The following CASP2 variants were observed in gnomAD, a reference collection of about 807,000 sequenced individuals.
CASP2 encodes the protein caspase 2.
A neutral mutation model predicts 54.4 loss-of-function variants in CASP2; 38 were observed. The ratio of observed to expected loss-of-function variants is 0.70; its 90% CI spans 0.54 to 0.92. The LOEUF (loss-of-function observed/expected upper bound fraction) is 0.92. Ranked by LOEUF, CASP2 falls within the 40% of genes least tolerant of loss-of-function variation. The probability of loss-of-function intolerance (pLI) is 0.00; values close to 1 mark genes in which losing one functional copy is unlikely to be tolerated. For synonymous variants in CASP2, 215 were observed against 216.3 expected (o/e 0.99, Z 0.05); for missense variants, 512 against 579.6 (o/e 0.88, Z 1.20).
chr7:143,304,375 ATGT>A (rs1295338241), intron 9 of CASP2, among the ~76,000 whole-genome samples: 3 of 152,204 alleles, frequency 2.0e-5, no homozygotes, highest in Admixed American at 2.0e-4. Flanking sequence ...TTTAGACATA[ATGT>A]TGTTGCACAC....
chr7:143,291,698 G>A lies in CASP2; in HGVS notation c.225+8G>A. 1 of 1,611,098 alleles carries A rather than the reference G, an allele frequency of 6.2e-7. No homozygotes were observed. Among genetic ancestry groups the A allele is most frequent in the Non-Finnish European group, 8.5e-7 (1 of 1,177,962 alleles). Reference sequence around the variant, plus strand: ...ATGAGGGAGCTCATCCAGGTATCTGGAGGCAAAAGAGAGAAGATAAATTGA... The same window carrying A: ...ATGAGGGAGCTCATCCAGGTATCTGAAGGCAAAAGAGAGAAGATAAATTGA... On this transcript the variant is annotated splice_region_variant and intron_variant, in intron 2 of 10. Coordinates refer to ENST00000310447, the MANE Select transcript of CASP2 (RefSeq NM_032982.4).
At chr7:143,291,735 G>A (rs1801567586) in intron 2 of CASP2, 45 bp downstream of exon 2, 4 of 1,502,950 alleles carry the variant, frequency 2.7e-6, no homozygotes, top group Non-Finnish European at 3.7e-6. Context: ...CATGGGGTGG[G>A]AATAGAGCAT....
Position 143,291,546 on chromosome 7 carries a change from G to C in CASP2, c.81G>C (p.Leu27Phe). The change falls in exon 2 of 11, where the codon TTG becomes TTC. Residue 27 changes from leucine (L) to phenylalanine (F), a missense_variant. This residue lies in a region of CASP2 where 89 missense variants were observed against 67.1 expected (regional missense o/e 1.33). Transcript: ENST00000310447. ...LMAADRGRRI[L>F]GVCGMHPHHQ... ...TTCTACCGTTTATCTGTAGGATATTGGGAGTGTGTGGCATGCATCCTCATC... is the reference window on the plus strand; with the variant it reads ...TTCTACCGTTTATCTGTAGGATATTCGGAGTGTGTGGCATGCATCCTCATC... 1 of 1,614,040 alleles carries C rather than the reference G, an allele frequency of 6.2e-7. No homozygotes were observed.
At chr7:143,301,890 G>A (rs1260143934) in intron 8 of CASP2, 3 of 152,186 alleles carry the variant, frequency 2.0e-5, no homozygotes, top group Non-Finnish European at 4.4e-5. Flanking sequence ...GGAACAGTTG[G>A]GAGCTTAAGT....
intron 6 of CASP2, among the ~76,000 whole-genome samples, chr7:143,297,691 C>G (rs1801796167): frequency 6.6e-6 from 1 of 152,234 alleles, no homozygotes; most frequent in Admixed American, 6.5e-5. Context: ...AGGTGATCCA[C>G]CCGCCTCGGC....
chr7:143,305,286 T>C lies in CASP2; in HGVS notation c.*215T>C. ...AAGCCCTTTGCCTGTAGAGCCAGCC[T>C]TGGTTGGACCTATTGCCAGGAATGT... On this transcript the variant is annotated 3_prime_UTR_variant, in exon 11 of 11. Coordinates refer to ENST00000310447, the MANE Select transcript of CASP2 (RefSeq NM_032982.4). The C allele has an allele frequency of 7.8e-6, 5 of 640,192 alleles. No individual in the cohort carries two copies. In the South Asian group the frequency reaches 8.9e-5, roughly 11 times the overall value. 39.7% of individuals were successfully genotyped at this position (640,192 alleles called of 1,614,324 possible). A position where few individuals can be genotyped will look rare whatever the true frequency, so the allele number is the denominator to read the frequency against.
chr7:143,294,593 A>C lies in CASP2; in HGVS notation c.571-4A>C. 1.9e-6 allele frequency: 3 copies of C among 1,613,938 alleles called. No individual in the cohort carries two copies. The highest frequency in any genetic ancestry group is 2.5e-6 in the Non-Finnish European group (3 of 1,179,892). On this transcript the variant is annotated splice_region_variant and splice_polypyrimidine_tract_variant and intron_variant, in intron 5 of 10. Coordinates refer to ENST00000310447, the MANE Select transcript of CASP2 (RefSeq NM_032982.4). ...TCATGGTCTAACTGGCCTCTCCTCCACAGGCATATAGGTTGCAGTCTCGGC... is the reference window on the plus strand; with the variant it reads ...TCATGGTCTAACTGGCCTCTCCTCCCCAGGCATATAGGTTGCAGTCTCGGC...
intron 6 of CASP2, among the ~76,000 whole-genome samples, chr7:143,299,310 G>C (rs1216724469): frequency 2.6e-5 from 4 of 152,140 alleles, no homozygotes; most frequent in Admixed American, 6.5e-5. Context: ...TTCAAACCTA[G>C]ATTAATCTGA....
At chr7:143,297,756 T>G (rs769588826) in intron 6 of CASP2, among the ~76,000 whole-genome samples, 3 of 152,256 alleles carry the variant, frequency 2.0e-5, no homozygotes, top group Non-Finnish European at 4.4e-5. Context: ...CTTTGTTTTC[T>G]TCTTTGAGCA....
At position 143,303,787 on chromosome 7, in the gene CASP2, A is replaced by G. The variant is rs1563066322; in HGVS notation, c.971A>G (p.Glu324Gly). 6.2e-7 allele frequency: 1 copy of G among 1,613,760 alleles called. No homozygotes were observed. Among genetic ancestry groups the G allele is most frequent in the Non-Finnish European group, 8.5e-7 (1 of 1,179,846 alleles). The change falls in exon 9 of 11, where the codon GAG (glutamate) becomes GGG (glycine). Residue 324 changes from glutamate (E) to glycine (G), a missense_variant. Glu to Gly is a moderately conservative substitution (Grantham distance 98, BLOSUM62 -2). Transcript: ENST00000310447. ...MFFIQACRGDETDRGVDQQDG... is the reference protein window; with the variant it reads ...MFFIQACRGDGTDRGVDQQDG... ...ATTCTGTCTGCCTTTGTTACAGATGAGACTGATCGTGGGGTTGACCAACAA... is the reference window on the plus strand; with the variant it reads ...ATTCTGTCTGCCTTTGTTACAGATGGGACTGATCGTGGGGTTGACCAACAA...
rs4647293 is a variant in CASP2 at position 143,292,676 on chromosome 7, C to T, written c.453C>T (p.Tyr151=). 2,850 of 1,612,840 alleles carry T rather than the reference C, an allele frequency of 1.8e-3. 39 individuals carry two copies. The African/African-American group carries it at 0.034, about 19-fold the overall frequency. ...PFPVCESCPL[Y]KKLRLSTDTV... ...CGGTGTGTGAGTCCTGTCCCCTTTA[C>T]AAGAAGCTCCGCCTGTCGACAGGTG... The change falls in exon 4 of 11, where the codon TAC becomes TAT. Residue 151 remains tyrosine, a synonymous_variant. Coordinates refer to ENST00000310447, the MANE Select transcript of CASP2 (RefSeq NM_032982.4).
At chr7:143,303,204 A>G (rs1045009654) in intron 8 of CASP2, 1 of 152,222 alleles carries the variant, frequency 6.6e-6, no homozygotes, top group African/African-American at 2.4e-5. Context: ...TATGAAATTA[A>G]TAAACATAGT....
intron 6 of CASP2, among the ~76,000 whole-genome samples, chr7:143,296,555 C>G (rs988343685): frequency 1.3e-5 from 2 of 152,120 alleles, no homozygotes; most frequent in Admixed American, 1.3e-4. Context: ...TGAAGCCACC[C>G]TAGGCAGGGA....
chr7:143,299,933 A>C lies in CASP2; in HGVS notation c.758A>C (p.Glu253Ala). 6.2e-7 allele frequency: 1 copy of C among 1,614,196 alleles called. No homozygotes were observed. The highest frequency in any genetic ancestry group is 8.5e-7 in the Non-Finnish European group (1 of 1,180,022). ...ATTCCTTTCTTTTAGGAAATGCAAG[A>C]GAAACTGCAGAATTTTGCACAGTTA... ...LCDQTAQEMQ[E>A]KLQNFAQLPA... The change falls in exon 7 of 11, where the codon GAG becomes GCG. Residue 253 changes from glutamate to alanine, a missense_variant. Glu to Ala is a moderately radical substitution (Grantham distance 107). Coordinates refer to ENST00000310447, the MANE Select transcript of CASP2 (RefSeq NM_032982.4).
At position 143,292,423 on chromosome 7, in the gene CASP2, A is replaced by ATGT; in HGVS notation, c.352_354dup (p.Leu119dup). On this transcript the variant is annotated inframe_insertion, in exon 3 of 11. Coordinates refer to ENST00000310447, the MANE Select transcript of CASP2 (RefSeq NM_032982.4). ...GACCAAGCAAGGCCACCTGGAGGATATGTTGCTCACCACCCTTTCTGGGCT... is the reference window on the plus strand; with the variant it reads ...GACCAAGCAAGGCCACCTGGAGGATATGTTGTTGCTCACCACCCTTTCTGGGCT... 6.2e-7 allele frequency: 1 copy of ATGT among 1,614,144 alleles called. No homozygotes were observed. Among genetic ancestry groups the ATGT allele is most frequent in the Non-Finnish European group, 8.5e-7 (1 of 1,180,022 alleles).
chr7:143,294,532 C>T, intron 5 of CASP2, 65 bp from the exon 6 acceptor site: 1 of 1,452,498 alleles, frequency 6.9e-7, no homozygotes, highest in Non-Finnish European at 9.6e-7. Context: ...CTTGAAATGT[C>T]TAATCTAGCC....
rs144603216 is a variant in CASP2, at chr7:143,296,317, A to G, written c.747+1544A>G. Among the ~76,000 whole-genome samples the G allele has an allele frequency of 1.2e-4, 19 of 152,376 alleles. No individual in the cohort carries two copies. In the East Asian group the frequency reaches 1.7e-3, roughly 14 times the overall value. On this transcript the variant is annotated intron_variant, in intron 6 of 10. Coordinates refer to ENST00000310447, the MANE Select transcript of CASP2 (RefSeq NM_032982.4). ...TTCAAGCACCTTATAATGGGGGACT[A>G]TGTGAGCTGCCACAGATTTTAAAGA...
Position 143,303,771 on chromosome 7 carries a change from G to A in CASP2, c.968-13G>A, listed in dbSNP as rs778494986. 3 of 1,613,132 alleles carry A rather than the reference G, an allele frequency of 1.9e-6. No homozygotes were observed. The highest frequency in any genetic ancestry group is 2.2e-5 in the South Asian group (2 of 91,004). ...AGTAACATCATTGTCCATTCTGTCTGCCTTTGTTACAGATGAGACTGATCG... is the reference window on the plus strand; with the variant it reads ...AGTAACATCATTGTCCATTCTGTCTACCTTTGTTACAGATGAGACTGATCG... On this transcript the variant is annotated splice_polypyrimidine_tract_variant and intron_variant, in intron 8 of 10. Coordinates refer to ENST00000310447, the MANE Select transcript of CASP2 (RefSeq NM_032982.4).
chr7:143,295,109 C>T (rs1237990132), intron 6 of CASP2, among the ~76,000 whole-genome samples: 1 of 151,922 alleles, frequency 6.6e-6, no homozygotes, highest in Non-Finnish European at 1.5e-5. Flanking sequence ...CTCACTGCAA[C>T]CTCTGCCTAC....
Sources: gnomAD v4.1 joint callset for allele counts (sites outside exome capture counted in the v4.1 genomes callset) on GRCh38, gnomAD v4.1.1 for gene constraint, gnomAD v4.1.1 regional missense constraint, MANE v1.5 for transcripts, NCBI Gene and HGNC (gene_info 2026-07-23, HGNC 2026-07-21) for gene names.